The following L3MBTL4 variants were observed in gnomAD, a reference collection of about 807,000 sequenced individuals.
L3MBTL4 encodes L3MBTL histone methyl-lysine binding protein 4.
Under a neutral mutation model 84.5 loss-of-function variants are expected in L3MBTL4, and 70 were observed. The ratio of observed to expected loss-of-function variants is 0.83; its 90% CI spans 0.68 to 1.01. The LOEUF is 1.01. Among genes scored for constraint, L3MBTL4 ranks in the 50% least tolerant of loss-of-function variants. L3MBTL4 has a pLI of 0.00. For synonymous variants in L3MBTL4, 274 were observed against 259.8 expected (o/e 1.05, Z -0.52); for missense variants, 715 against 754.8 (o/e 0.95, Z 0.62).
At chr18:6,041,535 T>G (rs531427125) in intron 16 of L3MBTL4, among the ~76,000 whole-genome samples, 1 of 151,818 alleles carries the variant, frequency 6.6e-6, no homozygotes, top group East Asian at 1.9e-4. Context: ...TGTGATCATT[T>G]GGCAAAAATG....
chr18:6,082,137 C>T (rs2058099013), intron 15 of L3MBTL4, among the ~76,000 whole-genome samples: 2 of 152,092 alleles, frequency 1.3e-5, no homozygotes, highest in South Asian at 2.1e-4. Context: ...TAAATGGACA[C>T]AGTACCTGCC....
chr18:6,347,692 T>C (rs538137348), intron 1 of L3MBTL4, among the ~76,000 whole-genome samples: 1 of 151,992 alleles, frequency 6.6e-6, no homozygotes, highest in South Asian at 2.1e-4. Flanking sequence ...GTATCTATCA[T>C]AGATCTGCAG....
chr18:5,978,851 C>T (rs2053079319), intron 16 of L3MBTL4, among the ~76,000 whole-genome samples: 1 of 152,220 alleles, frequency 6.6e-6, no homozygotes, highest in Admixed American at 6.5e-5. Context: ...GAGGGCAGTG[C>T]AACCAGTCCA....
At chr18:6,101,535 G>A (rs954989965) in intron 14 of L3MBTL4, among the ~76,000 whole-genome samples, 2 of 152,170 alleles carry the variant, frequency 1.3e-5, no homozygotes, top group Admixed American at 1.3e-4. Context: ...AAGCACCCAC[G>A]AAGGACTGTG....
intron 5 of L3MBTL4, chr18:6,261,021 G>A (rs1568398648): frequency 6.6e-6 from 1 of 152,194 alleles, no homozygotes. Context: ...AGTTATTAGG[G>A]CAAATCAGAC....
intron 16 of L3MBTL4, among the ~76,000 whole-genome samples, chr18:5,972,932 T>C (rs4991457): frequency 3.7e-5 from 2 of 53,486 alleles, no homozygotes; most frequent in African/African-American, 1.1e-4. Flanking sequence ...TAGAATAGAA[T>C]AGAATAGAAT....
intron 16 of L3MBTL4, among the ~76,000 whole-genome samples, chr18:6,010,530 G>T (rs1002099439): frequency 1.3e-5 from 2 of 152,120 alleles, no homozygotes; most frequent in African/African-American, 2.4e-5. Flanking sequence ...TGCATGTGCG[G>T]TATTAATACT....
chr18:6,299,580 G>T (rs1313109947), intron 4 of L3MBTL4, among the ~76,000 whole-genome samples: 3 of 152,124 alleles, frequency 2.0e-5, no homozygotes, highest in Non-Finnish European at 4.4e-5. Context: ...GCACAGACTG[G>T]GCACTCAATA....
intron 12 of L3MBTL4, among the ~76,000 whole-genome samples, chr18:6,203,702 C>A (rs2045748094): frequency 6.6e-6 from 1 of 152,128 alleles, no homozygotes; most frequent in Admixed American, 6.5e-5. Context: ...ACAGGCATTG[C>A]AAACTTCAGT....
chr18:6,245,518 T>A (rs1320063616), intron 5 of L3MBTL4, among the ~76,000 whole-genome samples: 2 of 152,110 alleles, frequency 1.3e-5, no homozygotes, highest in African/African-American at 4.8e-5. Flanking sequence ...ATATATCAAT[T>A]ATTTTCTATA....
At chr18:6,374,450 A>G (rs1263455199) in intron 1 of L3MBTL4, 1 of 154,840 alleles carries the variant, frequency 6.5e-6, no homozygotes, top group African/African-American at 2.4e-5. Context: ...ATTGAGGTCT[A>G]CTTCATCCGC....
At chr18:6,280,840 G>A (rs2049290881) in intron 4 of L3MBTL4, among the ~76,000 whole-genome samples, 2 of 151,948 alleles carry the variant, frequency 1.3e-5, no homozygotes, top group Non-Finnish European at 2.9e-5. Context: ...ATGGAGGAAG[G>A]GGCCATGAGC....
At chr18:6,179,562 G>A (rs927234131) in intron 12 of L3MBTL4, among the ~76,000 whole-genome samples, 1 of 152,204 alleles carries the variant, frequency 6.6e-6, no homozygotes, top group Admixed American at 6.5e-5. Context: ...TGCTTGCACC[G>A]TGCCTTTACA....
intron 17 of L3MBTL4, among the ~76,000 whole-genome samples, chr18:5,961,463 G>C (rs2095262980): frequency 2.0e-5 from 3 of 152,204 alleles, no homozygotes; most frequent in African/African-American, 7.2e-5. Context: ...GAAGAGTTCA[G>C]AATATCTTTT....
At chr18:5,968,213 T>C (rs185789987) in intron 17 of L3MBTL4, among the ~76,000 whole-genome samples, 3 of 152,368 alleles carry the variant, frequency 2.0e-5, no homozygotes, top group Admixed American at 2.0e-4. Context: ...AGCTCTAATC[T>C]TGCCCTCAGA....
intron 1 of L3MBTL4, among the ~76,000 whole-genome samples, chr18:6,399,536 T>C (rs1282160084): frequency 6.6e-6 from 1 of 152,226 alleles, no homozygotes; most frequent in Non-Finnish European, 1.5e-5. Flanking sequence ...TTGTCAGCCA[T>C]AACCATTTAT....
intron 16 of L3MBTL4, among the ~76,000 whole-genome samples, chr18:6,055,542 T>A (rs533260118): frequency 9.2e-5 from 14 of 152,324 alleles, no homozygotes; most frequent in Non-Finnish European, 1.8e-4. Context: ...TCTAGACAGC[T>A]TGGTCAGCAA....
intron 14 of L3MBTL4, among the ~76,000 whole-genome samples, chr18:6,135,943 G>T (rs1004112800): frequency 1.6e-4 from 24 of 152,248 alleles, no homozygotes; most frequent in Admixed American, 9.2e-4. Context: ...GACTGGGAAA[G>T]AAAAAGAGGT....
intron 9 of L3MBTL4, among the ~76,000 whole-genome samples, chr18:6,238,976 A>G (rs569696721): frequency 6.6e-6 from 1 of 152,132 alleles, no homozygotes; most frequent in East Asian, 1.9e-4. Flanking sequence ...GCATGGTAGC[A>G]TACATTTTCT....
Sources: allele counts gnomAD v4.1 joint callset (sites outside exome capture counted in the v4.1 genomes callset), GRCh38; gene constraint gnomAD v4.1.1; transcripts MANE v1.5; gene names NCBI Gene and HGNC (gene_info 2026-07-23, HGNC 2026-07-21).